The following INSL6 variants were observed in gnomAD, a reference collection of about 807,000 sequenced individuals.
INSL6 encodes the protein insulin-like peptide INSL6.
A neutral mutation model predicts 9.4 loss-of-function variants in INSL6; 16 were observed. That is an observed-to-expected ratio of 1.70 (90% CI 1.15 to 2.59). The LOEUF is 2.59. Ranked by LOEUF, INSL6 falls within the 30% of genes most tolerant of loss-of-function variation. The pLI, the probability that INSL6 is intolerant of heterozygous loss-of-function variation, is 0.00. For missense variants in INSL6, 391 were observed against 257.3 expected, an observed-to-expected ratio of 1.52 and a Z score of -3.56; for synonymous variants, 154 against 96.9, an observed-to-expected ratio of 1.59 and a Z score of -3.46.
the INSL6 span, among the ~76,000 whole-genome samples, chr9:5,025,065 A>G: frequency 6.6e-6 from 1 of 152,150 alleles, no homozygotes; most frequent in Non-Finnish European, 1.5e-5. Flanking sequence ...TTGATTCAGC[A>G]TTTATCTGAT....
chr9:5,115,877 G>C, the INSL6 span, among the ~76,000 whole-genome samples: 1 of 152,122 alleles, frequency 6.6e-6, no homozygotes, highest in Non-Finnish European at 1.5e-5. Context: ...TGGACACAGG[G>C]AGGGGAACAT....
chr9:5,028,963 C>T, the INSL6 span, among the ~76,000 whole-genome samples: 1 of 152,242 alleles, frequency 6.6e-6, no homozygotes, highest in Non-Finnish European at 1.5e-5. Flanking sequence ...GTATTTACTG[C>T]AGTCGCATTT....
chr9:5,050,036 T>G, the INSL6 span, among the ~76,000 whole-genome samples: 1 of 152,226 alleles, frequency 6.6e-6, no homozygotes, highest in African/African-American at 2.4e-5. Flanking sequence ...TATTTCTTTG[T>G]ATCCAACACC....
intron 2 of INSL6, among the ~76,000 whole-genome samples, chr9:5,134,896 T>C (rs933091440): frequency 6.6e-6 from 1 of 152,070 alleles, no homozygotes; most frequent in African/African-American, 2.4e-5. Context: ...CACTGGCAAA[T>C]TGGATAGAGT....
the INSL6 span, chr9:5,064,846 C>T: frequency 6.9e-7 from 1 of 1,444,358 alleles, no homozygotes; most frequent in South Asian, 1.5e-5. Context: ...AGTTGACTTT[C>T]TAAAAGGTGC....
At chr9:5,125,040 T>G (rs971891287) in intron 3 of INSL6, among the ~76,000 whole-genome samples, 1 of 151,382 alleles carries the variant, frequency 6.6e-6, no homozygotes, top group African/African-American at 2.4e-5. Context: ...TTGCATAAGT[T>G]AAAATAAACC....
At chr9:5,043,493 C>T in the INSL6 span, among the ~76,000 whole-genome samples, 4 of 152,166 alleles carry the variant, frequency 2.6e-5, no homozygotes, top group Non-Finnish European at 2.9e-5. Flanking sequence ...CAGTATATTG[C>T]TGTTGGGAAT....
At chr9:5,047,623 C>T in the INSL6 span, among the ~76,000 whole-genome samples, 17 of 152,244 alleles carry the variant, frequency 1.1e-4, no homozygotes, top group Middle Eastern at 3.4e-3. Context: ...ATTTTGTCAG[C>T]TACTCAAATG....
the INSL6 span, among the ~76,000 whole-genome samples, chr9:4,999,672 G>A: frequency 6.6e-6 from 1 of 152,116 alleles, no homozygotes. Flanking sequence ...TTCAAGGGCA[G>A]GAAGCGTCTT....
chr9:5,068,488 T>C, the INSL6 span, among the ~76,000 whole-genome samples: 1 of 152,210 alleles, frequency 6.6e-6, no homozygotes, highest in African/African-American at 2.4e-5. Context: ...GTACTTGAAC[T>C]GAGTTTTGAT....
the INSL6 span, among the ~76,000 whole-genome samples, chr9:5,026,661 G>C: frequency 6.6e-6 from 1 of 152,140 alleles, no homozygotes; most frequent in East Asian, 1.9e-4. Context: ...TTATTCTGTG[G>C]AACTTCTAAA....
At chr9:5,173,109 A>C (rs1005234475) in intron 1 of INSL6, among the ~76,000 whole-genome samples, 1 of 152,226 alleles carries the variant, frequency 6.6e-6, no homozygotes, top group Non-Finnish European at 1.5e-5. Flanking sequence ...TTACAAAGTC[A>C]AGAAACAACA....
At position 5,164,202 on chromosome 9, in the gene INSL6, T is replaced by C. The variant is rs369136600; in HGVS notation, c.353A>G (p.Asp118Gly). 2 of 1,607,584 alleles carry C rather than the reference T, an allele frequency of 1.2e-6. No individual in the cohort carries two copies. The highest frequency in any genetic ancestry group is 2.7e-5 in the African/African-American group (2 of 74,542). The change falls in exon 2 of 2, where the codon GAT (aspartate) becomes GGT (glycine). Residue 118 changes from aspartate (D) to glycine (G), a missense_variant. By Grantham distance (94) the Asp-to-Gly change is moderately conservative. Transcript: ENST00000381641. Reference protein sequence around the residue: ...WEMQSLPEYKDKKGYSPLGKT... With the variant: ...WEMQSLPEYKGKKGYSPLGKT... ...ACCAAGGGGTGAATATCCCTTTTTA[T>C]CCTTATACTCAGGTAGTGACTGCAT... is the stretch of plus-strand genomic sequence containing the variant.
At chr9:5,154,242 A>C (rs1301565944) in intron 2 of INSL6, among the ~76,000 whole-genome samples, 1 of 152,258 alleles carries the variant, frequency 6.6e-6, no homozygotes, top group Non-Finnish European at 1.5e-5. Context: ...TTATTTAATA[A>C]ATGGTGTTGG....
At chr9:5,131,953 C>G (rs1824300826) in intron 3 of INSL6, 1 of 152,126 alleles carries the variant, frequency 6.6e-6, no homozygotes, top group Non-Finnish European at 1.5e-5. Context: ...TTGTTTCTAT[C>G]AATAATTTTG....
At chr9:5,004,528 G>C in the INSL6 span, among the ~76,000 whole-genome samples, 1 of 151,932 alleles carries the variant, frequency 6.6e-6, no homozygotes, top group African/African-American at 2.4e-5. Flanking sequence ...TTCTTTATCA[G>C]TTCATCTGTT....
At chr9:5,043,054 G>C in the INSL6 span, among the ~76,000 whole-genome samples, 2 of 152,190 alleles carry the variant, frequency 1.3e-5, no homozygotes, top group African/African-American at 2.4e-5. Flanking sequence ...GCGCGGGCTC[G>C]TGGCTTCCTG....
chr9:5,185,292 T>C (rs1036215917), intron 1 of INSL6, 22 bp downstream of exon 1: 5 of 1,613,934 alleles, frequency 3.1e-6, no homozygotes, highest in Non-Finnish European at 8.5e-7. Flanking sequence ...TGAACAAACA[T>C]GCCTTCGGTT....
intron 3 of INSL6, chr9:5,126,873 A>C: frequency 1.5e-6 from 1 of 682,714 alleles, no homozygotes; most frequent in Non-Finnish European, 2.4e-6. Context: ...CTATTATTAC[A>C]TATATCATTA....
Sources: gnomAD v4.1 joint callset for allele counts (sites outside exome capture counted in the v4.1 genomes callset) on GRCh38, gnomAD v4.1.1 for gene constraint, MANE v1.5 for transcripts, NCBI Gene and HGNC (gene_info 2026-07-23, HGNC 2026-07-21) for gene names.